TRPC4AP: variants seen among roughly 807,000 people sequenced by gnomAD.
TRPC4AP encodes the protein transient receptor potential cation channel subfamily C member 4 associated protein, also known as short transient receptor potential channel 4-associated protein.
Under a neutral mutation model 99.0 loss-of-function variants are expected in TRPC4AP, and 45 were observed. The observed-to-expected ratio is 0.45, with a 90% CI of 0.36 to 0.58. TRPC4AP has a LOEUF of 0.58. TRPC4AP is among the 20% of genes least tolerant of loss of function. The pLI, the probability that TRPC4AP is intolerant of heterozygous loss-of-function variation, is 0.00. For synonymous variants in TRPC4AP, 408 were observed against 385.8 expected (o/e 1.06, Z -0.67); for missense variants, 879 against 985.3 (o/e 0.89, Z 1.44).
chr20:35,023,247 CCT>C (rs1482757715), intron 8 of TRPC4AP, among the ~76,000 whole-genome samples: 1 of 152,070 alleles, frequency 6.6e-6, no homozygotes, highest in Non-Finnish European at 1.5e-5. Flanking sequence ...AATCAGTGGA[CCT>C]CTCTGTGCTT....
At chr20:35,055,784 T>G (rs1264750997) in intron 4 of TRPC4AP, among the ~76,000 whole-genome samples, 2 of 152,266 alleles carry the variant, frequency 1.3e-5, no homozygotes, top group Admixed American at 6.5e-5. Context: ...GAGCATTTCT[T>G]TTTTTGTTGC....
At chr20:35,075,235 C>G (rs910885421) in intron 2 of TRPC4AP, among the ~76,000 whole-genome samples, 1 of 152,092 alleles carries the variant, frequency 6.6e-6, no homozygotes, top group Non-Finnish European at 1.5e-5. Context: ...TGTCTTTTAA[C>G]TGGAGCATTT....
intron 6 of TRPC4AP, among the ~76,000 whole-genome samples, chr20:35,045,753 T>C (rs558510597): frequency 2.6e-5 from 4 of 152,190 alleles, no homozygotes; most frequent in Admixed American, 2.0e-4. Flanking sequence ...TTGGCCAGGC[T>C]GGTCTTGAAC....
At position 35,003,615 on chromosome 20, in the gene TRPC4AP, T is replaced by C; in HGVS notation, c.2051A>G (p.Glu684Gly). The C allele has an allele frequency of 1.9e-6, 3 of 1,613,094 alleles. No individual in the cohort carries two copies. Among genetic ancestry groups the C allele is most frequent in the Non-Finnish European group, 2.5e-6 (3 of 1,179,768 alleles). The change falls in exon 18 of 19, where the codon GAG becomes GGG. Residue 684 changes from glutamate (E) to glycine (G), a missense_variant and splice_region_variant. Transcript: ENST00000252015. ...NIIHVQTLTQ[E>G]NVSCLNTSLV... ...GCTGGTGTTGAGGCAGCTGACGTTC[T>C]CCTGCAAGGCCACAGGCCCACAGGG...
intron 3 of TRPC4AP, among the ~76,000 whole-genome samples, chr20:35,060,457 A>C (rs2083969457): frequency 6.6e-6 from 1 of 151,782 alleles, no homozygotes; most frequent in Non-Finnish European, 1.5e-5. Context: ...CAAGCATGGT[A>C]GCATGCTCCT....
At chr20:35,090,746 G>A (rs2085036656) in intron 1 of TRPC4AP, among the ~76,000 whole-genome samples, 1 of 152,108 alleles carries the variant, frequency 6.6e-6, no homozygotes, top group Non-Finnish European at 1.5e-5. Flanking sequence ...TGCCTAAATT[G>A]CCTCATTTAT....
intron 6 of TRPC4AP, 129 bp downstream of exon 6, chr20:35,049,737 G>T: frequency 9.0e-7 from 1 of 1,109,278 alleles, no homozygotes; most frequent in Non-Finnish European, 1.2e-6. Context: ...TTTTATACTT[G>T]AATACATCTG....
At chr20:35,078,267 A>G in intron 1 of TRPC4AP, 93 bp from the exon 2 acceptor site, 1 of 1,369,022 alleles carries the variant, frequency 7.3e-7, no homozygotes, top group Non-Finnish European at 1.0e-6. Flanking sequence ...AAACCCACCC[A>G]GGACAGTTAC....
chr20:35,005,900 T>C, intron 15 of TRPC4AP, 97 bp from the exon 16 acceptor site: 1 of 1,031,552 alleles, frequency 9.7e-7, no homozygotes, highest in Non-Finnish European at 1.5e-6. Context: ...CAGCGACCTC[T>C]ACCAGCCCCA....
chr20:35,060,105 T>C (rs1470254462), intron 3 of TRPC4AP, among the ~76,000 whole-genome samples: 1 of 152,060 alleles, frequency 6.6e-6, no homozygotes, highest in East Asian at 1.9e-4. Flanking sequence ...TAAAGAATGA[T>C]CAATTCTTCA....
intron 16 of TRPC4AP, among the ~76,000 whole-genome samples, chr20:35,004,929 A>C (rs1461209297): frequency 3.9e-5 from 6 of 152,168 alleles, no homozygotes; most frequent in Non-Finnish European, 5.9e-5. Context: ...AAAACAACGC[A>C]AAAGTTCCAC....
intron 8 of TRPC4AP, among the ~76,000 whole-genome samples, chr20:35,030,919 TG>T (rs2147325085): frequency 6.6e-6 from 1 of 152,370 alleles, no homozygotes; most frequent in Non-Finnish European, 1.5e-5. Flanking sequence ...GCTTTCAACC[TG>T]AAGAACTTCC....
intron 1 of TRPC4AP, among the ~76,000 whole-genome samples, chr20:35,081,830 G>A (rs1022427732): frequency 2.7e-4 from 41 of 151,580 alleles, no homozygotes; most frequent in African/African-American, 9.7e-4. Flanking sequence ...CACTAAAAAT[G>A]CAAAATTAGC....
chr20:35,086,535 G>GTATA (rs1569158044), intron 1 of TRPC4AP, among the ~76,000 whole-genome samples: 4 of 17,746 alleles, frequency 2.3e-4, no homozygotes, highest in African/African-American at 1.3e-3. Flanking sequence ...ATGTGTGTGT[G>GTATA]TGTGTGTGTG....
chr20:35,087,663 G>A (rs1446338882), intron 1 of TRPC4AP, among the ~76,000 whole-genome samples: 1 of 152,198 alleles, frequency 6.6e-6, no homozygotes, highest in Admixed American at 6.5e-5. Context: ...GCAATGAGAT[G>A]AGGCTGGAGA....
intron 1 of TRPC4AP, among the ~76,000 whole-genome samples, chr20:35,091,611 G>A (rs2085069252): frequency 6.6e-6 from 1 of 152,036 alleles, no homozygotes; most frequent in South Asian, 2.1e-4. Context: ...ATGTTTTACA[G>A]GTGTTAGCAA....
chr20:35,066,638 A>G (rs2084151741), intron 3 of TRPC4AP, among the ~76,000 whole-genome samples: 1 of 152,194 alleles, frequency 6.6e-6, no homozygotes, highest in African/African-American at 2.4e-5. Flanking sequence ...CATACACAAT[A>G]AAAACTGTAA....
At chr20:35,089,395 GTTTT>G (rs35461400) in intron 1 of TRPC4AP, among the ~76,000 whole-genome samples, 6 of 130,290 alleles carry the variant, frequency 4.6e-5, no homozygotes, top group Admixed American at 1.6e-4. Flanking sequence ...CCTGGTTAAT[GTTTT>G]TTTTTTTTTT....
chr20:35,058,197 A>G (rs1316035242), intron 3 of TRPC4AP, among the ~76,000 whole-genome samples: 2 of 152,270 alleles, frequency 1.3e-5, no homozygotes, highest in East Asian at 3.8e-4. Flanking sequence ...TGAAGGAAAC[A>G]GATAATTTAA....
Sources: gnomAD v4.1 joint callset for allele counts (sites outside exome capture counted in the v4.1 genomes callset) on GRCh38, gnomAD v4.1.1 for gene constraint, MANE v1.5 for transcripts, NCBI Gene and HGNC (gene_info 2026-07-23, HGNC 2026-07-21) for gene names.